Variants in NF1 observed in about 807,000 individuals in gnomAD.
NF1 encodes the protein neurofibromin.
In NF1, 122 loss-of-function variants were observed where a neutral mutation model predicts 325.7. That is an observed-to-expected ratio of 0.37 (90% CI 0.32 to 0.44). NF1 has a LOEUF of 0.44. Among genes scored for constraint, NF1 ranks in the 20% least tolerant of loss-of-function variants. The pLI is 1.00. For synonymous variants in NF1, 1,091 were observed against 1,186.0 expected (o/e 0.92, Z 1.65); for missense variants, 2,140 against 3,415.4 (o/e 0.63, Z 9.31).
chr17:31,131,846 C>T (rs1469212790), intron 1 of NF1, among the ~76,000 whole-genome samples: 1 of 149,122 alleles, frequency 6.7e-6, no homozygotes, highest in Admixed American at 6.6e-5. Flanking sequence ...TCTATTTAAT[C>T]TCTGTGTTAA....
At chr17:31,343,274 G>GCCACCACGCC in intron 48 of NF1, 139 bp downstream of exon 48, 3 of 819,642 alleles carry the variant, frequency 3.7e-6, no homozygotes, top group Non-Finnish European at 5.8e-6. Flanking sequence ...GCCAGGCGTG[G>GCCACCACGCC]TGGCTCACGT....
At chr17:31,096,713 C>A (rs1186720753) in intron 1 of NF1, among the ~76,000 whole-genome samples, 9 of 152,116 alleles carry the variant, frequency 5.9e-5, no homozygotes. Context: ...TCAGACCTAC[C>A]TGGAAAATAT....
intron 40 of NF1, 31 bp downstream of exon 40, chr17:31,335,062 A>G (rs1413952738): frequency 1.5e-5 from 24 of 1,569,536 alleles, no homozygotes; most frequent in African/African-American, 6.8e-5. Flanking sequence ...TTTATCTAGT[A>G]TCTCCTTTGT....
intron 8 of NF1, among the ~76,000 whole-genome samples, chr17:31,196,807 T>G (rs1228523815): frequency 6.6e-6 from 1 of 152,190 alleles, no homozygotes; most frequent in Admixed American, 6.5e-5. Context: ...CCTTTCTCTA[T>G]TGAATGGTCT....
At chr17:31,246,826 T>G (rs1198450938) in intron 29 of NF1, among the ~76,000 whole-genome samples, 4 of 152,166 alleles carry the variant, frequency 2.6e-5, no homozygotes, top group Admixed American at 2.0e-4. Flanking sequence ...GAGCTGAAAT[T>G]TAAACCTAGT....
chr17:31,235,021 T>G (rs2067176618), intron 27 of NF1, among the ~76,000 whole-genome samples: 1 of 152,210 alleles, frequency 6.6e-6, no homozygotes, highest in Non-Finnish European at 1.5e-5. Context: ...AGGTAATAGA[T>G]AGAAATTTCA....
rs750876315 is a variant in NF1, at chr17:31,230,210, CTCT to C, written c.2991-48_2991-46del. ...ATGACTAAAGTATTTAGAATGCCTT[CTCT>C]TTTGTCTATATCTGATAATTTTTTT... On this transcript the variant is annotated intron_variant, in intron 22 of 57. Coordinates refer to ENST00000358273, the MANE Select transcript of NF1 (RefSeq NM_001042492.3). The C allele has an allele frequency of 2.1e-5, 34 of 1,596,682 alleles. 1 individual carries two copies. In the South Asian group the frequency reaches 3.7e-4, roughly 17 times the overall value.
At chr17:31,125,782 C>T (rs1474774467) in intron 1 of NF1, among the ~76,000 whole-genome samples, 1 of 152,086 alleles carries the variant, frequency 6.6e-6, no homozygotes, top group Non-Finnish European at 1.5e-5. Flanking sequence ...GTGATCTGTC[C>T]ACCTCCGTCT....
In NF1 at chr17:31,318,455, C is replaced by G. The variant is rs140933050; in HGVS notation, c.4836-7365C>G. On this transcript the variant is annotated intron_variant, in intron 36 of 57. Transcript: ENST00000358273. Reference sequence around the variant, plus strand: ...GTGTCTGATTCAGCGGGCCATAGACCGCTTGCCAGAAAATCGCCATTGCTT... The same window carrying G: ...GTGTCTGATTCAGCGGGCCATAGACGGCTTGCCAGAAAATCGCCATTGCTT... The G allele has an allele frequency of 1.5e-5, 25 of 1,613,854 alleles. No homozygotes were observed. In the East Asian group the frequency reaches 5.1e-4, roughly 33 times the overall value.
At position 31,305,275 on chromosome 17, in the gene NF1, A is replaced by T. The variant is rs532544954; in HGVS notation, c.4836-20545A>T. 3 of 1,613,956 alleles carry T rather than the reference A, an allele frequency of 1.9e-6. No homozygotes were observed. In the East Asian group the frequency reaches 6.7e-5, roughly 36 times the overall value. On this transcript the variant is annotated intron_variant, in intron 36 of 57. Coordinates refer to ENST00000358273, the MANE Select transcript of NF1 (RefSeq NM_001042492.3). ...GGCTTGCTGGGAGGAGGTGTTGGCT[A>T]TTGGTGTTGGTTGTTTGGTGTTGTA...
intron 1 of NF1, among the ~76,000 whole-genome samples, chr17:31,114,140 T>C (rs1256365311): frequency 6.6e-6 from 1 of 152,208 alleles, no homozygotes; most frequent in Non-Finnish European, 1.5e-5. Flanking sequence ...GAAGAAAATA[T>C]GTATAGCTGC....
At chr17:31,295,266 G>T in intron 36 of NF1, 1 of 1,614,096 alleles carries the variant, frequency 6.2e-7, no homozygotes, top group Non-Finnish European at 8.5e-7. Context: ...TCTTGGAGAT[G>T]AATAGTTAGA....
At chr17:31,202,118 A>T (rs2066541295) in intron 11 of NF1, among the ~76,000 whole-genome samples, 1 of 152,204 alleles carries the variant, frequency 6.6e-6, no homozygotes, top group Non-Finnish European at 1.5e-5. Context: ...TCTGATGTGG[A>T]GACATTAAAT....
rs777016268 is a variant in NF1 at position 31,172,373 on chromosome 17, TTCTC to T, written c.586+2380_586+2383del. Among the ~76,000 whole-genome samples, 778 of 145,840 alleles carry T rather than the reference TTCTC, an allele frequency of 5.3e-3. 10 individuals are homozygous for T. Among genetic ancestry groups the T allele is most frequent in the South Asian group, 0.03 (137 of 4,544 alleles). On this transcript the variant is annotated intron_variant, in intron 5 of 57. Coordinates refer to ENST00000358273, the MANE Select transcript of NF1 (RefSeq NM_001042492.3). ...TCTGTCTCTCTCTCTCTCTCTCTCT[TTCTC>T]TCTTTCTCTCGATATACCTATCTGT...
intron 1 of NF1, among the ~76,000 whole-genome samples, chr17:31,100,219 A>C (rs1041218614): frequency 1.3e-5 from 2 of 152,236 alleles, no homozygotes; most frequent in Non-Finnish European, 2.9e-5. Flanking sequence ...TTGAGTGTTC[A>C]TCTGAATGTA....
At chr17:31,187,508 C>T (rs550891868) in intron 8 of NF1, among the ~76,000 whole-genome samples, 1 of 152,138 alleles carries the variant, frequency 6.6e-6, no homozygotes, top group Non-Finnish European at 1.5e-5. Context: ...CTGGTCTTAA[C>T]CATGTTCCCA....
chr17:31,330,730 G>A, intron 39 of NF1: 1 of 547,602 alleles, frequency 1.8e-6, no homozygotes, highest in Non-Finnish European at 3.2e-6. Flanking sequence ...AGCGGCAAGA[G>A]TTTGGTACTT....
intron 4 of NF1, among the ~76,000 whole-genome samples, chr17:31,166,206 T>G (rs1005310740): frequency 3.9e-5 from 6 of 152,238 alleles, no homozygotes. Flanking sequence ...GTCATTTGGT[T>G]CTTTACAGTT....
intron 12 of NF1, among the ~76,000 whole-genome samples, chr17:31,213,291 A>G (rs2066760968): frequency 2.0e-5 from 3 of 152,190 alleles, no homozygotes; most frequent in Admixed American, 1.3e-4. Flanking sequence ...AAGTTTTGCT[A>G]TTTCTCTTCT....
Sources: allele counts gnomAD v4.1 joint callset (sites outside exome capture counted in the v4.1 genomes callset), GRCh38; gene constraint gnomAD v4.1.1; transcripts MANE v1.5; gene names NCBI Gene and HGNC (gene_info 2026-07-23, HGNC 2026-07-21).